TDRP: variants seen among roughly 807,000 people sequenced by gnomAD.
TDRP encodes the protein testis development-related protein.
TDRP carries 12 observed loss-of-function variants against 10.5 expected under a neutral mutation model. That is an observed-to-expected ratio of 1.15 (90% CI 0.73 to 1.86). The LOEUF is 1.86. TDRP is among the 40% of genes most tolerant of loss of function. The pLI is 0.00. For missense variants in TDRP, 353 were observed against 229.2 expected, an observed-to-expected ratio of 1.54 and a Z score of -3.49; for synonymous variants, 139 against 95.4, an observed-to-expected ratio of 1.46 and a Z score of -2.67.
At chr8:517,481 C>T (rs1214144255) in intron 1 of TDRP, among the ~76,000 whole-genome samples, 1 of 152,184 alleles carries the variant, frequency 6.6e-6, no homozygotes, top group Non-Finnish European at 1.5e-5. Flanking sequence ...TGGGCTTCCA[C>T]AACCTCCTTT....
chr8:524,386 G>A (rs1171916091), intron 1 of TDRP, among the ~76,000 whole-genome samples: 1 of 152,072 alleles, frequency 6.6e-6, no homozygotes, highest in Admixed American at 6.6e-5. Flanking sequence ...TCAATGCCCA[G>A]ACACACACGA....
chr8:494,419 A>C, intron 2 of TDRP, 75 bp downstream of exon 2: 1 of 1,454,348 alleles, frequency 6.9e-7, no homozygotes, highest in Non-Finnish European at 9.6e-7. Context: ...TATGCCATCA[A>C]ATCTTCATTT....
chr8:501,593 C>T (rs146291493), intron 1 of TDRP, among the ~76,000 whole-genome samples: 186 of 152,274 alleles, frequency 1.2e-3, no homozygotes, highest in African/African-American at 4.2e-3. Context: ...GCGATCCAAC[C>T]GCCTCAGCCT....
chr8:517,110 C>T (rs551924766), intron 1 of TDRP, among the ~76,000 whole-genome samples: 57 of 152,266 alleles, frequency 3.7e-4, no homozygotes, highest in Non-Finnish European at 5.0e-4. Context: ...CTCCCTTTGG[C>T]GCTCAGGCAA....
intron 1 of TDRP, among the ~76,000 whole-genome samples, chr8:542,346 G>A (rs529088654): frequency 3.2e-4 from 48 of 152,158 alleles, no homozygotes; most frequent in African/African-American, 8.2e-4. Flanking sequence ...CCAAACCACA[G>A]AATGCACAAC....
rs1444037570 is a variant in TDRP at position 491,565 on chromosome 8, A to G, written c.*834T>C. 1.4e-6 allele frequency: 2 copies of G among 1,475,004 alleles called. No homozygotes were observed. The allele number at this position is 1,475,004 out of a possible 1,614,324, so 91.4% of individuals were successfully genotyped here. ...CAAACATATGAGCCTAATAAAAAAG[A>G]GGCACTTCAGTATTTTATGCACAGT... On this transcript the variant is annotated 3_prime_UTR_variant, in exon 3 of 3. Coordinates refer to ENST00000324079, the MANE Select transcript of TDRP (RefSeq NM_001384899.1).
chr8:512,149 G>A (rs1197563906), intron 1 of TDRP, among the ~76,000 whole-genome samples: 1 of 152,032 alleles, frequency 6.6e-6, no homozygotes, highest in Non-Finnish European at 1.5e-5. Flanking sequence ...ATTGGGGCCG[G>A]ATGCAGTGGC....
chr8:506,300 C>A (rs1332213924), intron 1 of TDRP, among the ~76,000 whole-genome samples: 1 of 152,086 alleles, frequency 6.6e-6, no homozygotes, highest in Non-Finnish European at 1.5e-5. Flanking sequence ...GACCATTTAC[C>A]CTCCCAGCTC....
intron 1 of TDRP, among the ~76,000 whole-genome samples, chr8:504,714 A>G (rs1036584380): frequency 3.3e-5 from 5 of 152,232 alleles, no homozygotes; most frequent in African/African-American, 9.6e-5. Flanking sequence ...AGACTTTGCC[A>G]TTTATTTCAC....
chr8:518,042 C>T (rs1174060766), intron 1 of TDRP, among the ~76,000 whole-genome samples: 2 of 152,196 alleles, frequency 1.3e-5, no homozygotes, highest in Admixed American at 1.3e-4. Context: ...CTGGTGGACA[C>T]GTGCCACCGT....
chr8:494,942 G>T (rs1206502363), intron 1 of TDRP: 2 of 179,088 alleles, frequency 1.1e-5, no homozygotes, highest in Admixed American at 1.2e-4. Flanking sequence ...TTAAAACTTG[G>T]GAGATTGGGC....
intron 1 of TDRP, among the ~76,000 whole-genome samples, chr8:532,109 G>A (rs1345342573): frequency 6.6e-6 from 1 of 152,168 alleles, no homozygotes; most frequent in East Asian, 1.9e-4. Flanking sequence ...TAATTCCTCT[G>A]CCACCTCTGG....
intron 1 of TDRP, among the ~76,000 whole-genome samples, chr8:520,379 C>G (rs1801870684): frequency 6.6e-6 from 1 of 152,170 alleles, no homozygotes; most frequent in African/African-American, 2.4e-5. Flanking sequence ...GCTGCTTCTC[C>G]TCTTATTATA....
intron 1 of TDRP, among the ~76,000 whole-genome samples, chr8:499,364 C>A (rs192919996): frequency 8.5e-5 from 13 of 152,118 alleles, no homozygotes; most frequent in Non-Finnish European, 7.3e-5. Context: ...CTTTGAACAC[C>A]ACGCTGGGCT....
chr8:505,390 T>C (rs996020692), intron 1 of TDRP, among the ~76,000 whole-genome samples: 17 of 152,232 alleles, frequency 1.1e-4, no homozygotes, highest in Non-Finnish European at 1.8e-4. Context: ...AGGGTAAATA[T>C]TGTTTTCCAT....
intron 1 of TDRP, among the ~76,000 whole-genome samples, chr8:528,847 A>G (rs951842177): frequency 5.3e-5 from 8 of 151,302 alleles, no homozygotes; most frequent in Non-Finnish European, 8.8e-5. Flanking sequence ...GTGTGTATAT[A>G]TGTGTGTGTG....
intron 1 of TDRP, among the ~76,000 whole-genome samples, chr8:512,248 C>A (rs972848644): frequency 6.7e-6 from 1 of 150,246 alleles, no homozygotes; most frequent in African/African-American, 2.5e-5. Flanking sequence ...ACAGTGAAAC[C>A]CCTTCTCTAC....
chr8:532,030 T>C (rs1298270250), intron 1 of TDRP, among the ~76,000 whole-genome samples: 1 of 152,222 alleles, frequency 6.6e-6, no homozygotes, highest in Non-Finnish European at 1.5e-5. Context: ...TGGTTTATAT[T>C]TCTTTTTCTC....
chr8:534,858 TGCAATA>T (rs1237316581), intron 1 of TDRP, among the ~76,000 whole-genome samples: 9 of 152,148 alleles, frequency 5.9e-5, no homozygotes, highest in African/African-American at 2.2e-4. Flanking sequence ...TGTGAGAAGC[TGCAATA>T]GCTGTAAAGC....
Sources: gnomAD v4.1 joint callset for allele counts (sites outside exome capture counted in the v4.1 genomes callset) on GRCh38, gnomAD v4.1.1 for gene constraint, MANE v1.5 for transcripts, NCBI Gene and HGNC (gene_info 2026-07-23, HGNC 2026-07-21) for gene names.